ROBO2: variants seen among roughly 807,000 people sequenced by gnomAD.
The protein encoded by ROBO2 is roundabout guidance receptor 2.
In ROBO2, 53 loss-of-function variants were observed where a neutral mutation model predicts 160.8. The ratio of observed to expected loss-of-function variants is 0.33; its 90% CI spans 0.26 to 0.41. The LOEUF is 0.41. Ranked by LOEUF, ROBO2 falls within the 10% of genes least tolerant of loss-of-function variation. The pLI is 1.00. For missense variants in ROBO2, 1,577 were observed against 1,722.4 expected (o/e 0.92, Z 1.49); for synonymous variants, 664 against 611.7 (o/e 1.09, Z -1.26).
chr3:76,608,302 C>T (rs932918839), intron 2 of ROBO2, among the ~76,000 whole-genome samples: 14 of 152,116 alleles, frequency 9.2e-5, no homozygotes, highest in African/African-American at 2.9e-4. Flanking sequence ...CCTTACTATA[C>T]CTTCAGTGGG....
chr3:76,177,229 A>AT (rs2073263812), intron 2 of ROBO2, among the ~76,000 whole-genome samples: 1 of 152,114 alleles, frequency 6.6e-6, no homozygotes, highest in Non-Finnish European at 1.5e-5. Context: ...AAGGAGAAAC[A>AT]TTTTTTGGAA....
At chr3:76,588,144 T>C (rs997085282) in intron 2 of ROBO2, among the ~76,000 whole-genome samples, 4 of 152,196 alleles carry the variant, frequency 2.6e-5, no homozygotes, top group African/African-American at 9.6e-5. Context: ...CCAGATTACA[T>C]TGTCTTTCTC....
chr3:75,941,143 G>T (rs199996994), intron 2 of ROBO2, among the ~76,000 whole-genome samples: 1 of 151,808 alleles, frequency 6.6e-6, no homozygotes, highest in Non-Finnish European at 1.5e-5. Flanking sequence ...ATTTGTAAAG[G>T]CTGGGTCTTG....
intron 2 of ROBO2, among the ~76,000 whole-genome samples, chr3:77,261,796 G>T (rs2058793437): frequency 6.7e-6 from 1 of 148,436 alleles, no homozygotes. Context: ...GTAAGACAGG[G>T]TCTTGCTGTC....
chr3:76,988,798 T>C (rs755913211), intron 2 of ROBO2, among the ~76,000 whole-genome samples: 10 of 152,202 alleles, frequency 6.6e-5, no homozygotes, highest in Non-Finnish European at 1.3e-4. Context: ...CTTCGAGACA[T>C]TAAGATCAAG....
chr3:77,400,802 A>G (rs1419291673), intron 2 of ROBO2, among the ~76,000 whole-genome samples: 1 of 152,168 alleles, frequency 6.6e-6, no homozygotes, highest in Non-Finnish European at 1.5e-5. Flanking sequence ...GAGACGAGGA[A>G]AACTGAGATA....
intron 2 of ROBO2, among the ~76,000 whole-genome samples, chr3:76,747,468 G>C (rs1175752293): frequency 6.6e-6 from 1 of 151,772 alleles, no homozygotes; most frequent in Non-Finnish European, 1.5e-5. Flanking sequence ...AAAAATATTT[G>C]ACCAAAGAAA....
At chr3:76,901,055 T>G (rs2075186764) in intron 2 of ROBO2, among the ~76,000 whole-genome samples, 1 of 152,128 alleles carries the variant, frequency 6.6e-6, no homozygotes, top group Admixed American at 6.6e-5. Flanking sequence ...ACCTCTCACT[T>G]AATGAGACCC....
chr3:76,689,638 A>G (rs1326601467), intron 2 of ROBO2, among the ~76,000 whole-genome samples: 4 of 152,208 alleles, frequency 2.6e-5, no homozygotes, highest in Non-Finnish European at 4.4e-5. Flanking sequence ...AGAAACCTTA[A>G]TAAACAATGA....
chr3:76,217,310 A>G (rs1304824405), intron 2 of ROBO2, among the ~76,000 whole-genome samples: 1 of 152,130 alleles, frequency 6.6e-6, no homozygotes, highest in Non-Finnish European at 1.5e-5. Context: ...AAATAACTAA[A>G]ATCAGAGCAG....
chr3:77,407,268 G>A (rs1266239923), intron 2 of ROBO2, among the ~76,000 whole-genome samples: 1 of 152,118 alleles, frequency 6.6e-6, no homozygotes, highest in African/African-American at 2.4e-5. Context: ...AAAGTCATGA[G>A]TGGGTTGGCC....
At chr3:77,575,577 G>A (rs929750063) in intron 14 of ROBO2, among the ~76,000 whole-genome samples, 2 of 152,016 alleles carry the variant, frequency 1.3e-5, no homozygotes, top group Non-Finnish European at 2.9e-5. Context: ...TGGCAAAAAT[G>A]TCATCTTCCC....
At chr3:77,437,241 T>G (rs1415965726) in intron 2 of ROBO2, among the ~76,000 whole-genome samples, 3 of 151,980 alleles carry the variant, frequency 2.0e-5, no homozygotes, top group Non-Finnish European at 1.5e-5. Flanking sequence ...TTTGAGAAAT[T>G]TTTAATTTTC....
rs2071664717 is a variant in ROBO2, at chr3:77,370,927, G to A, written c.389-106487G>A. On this transcript the variant is annotated intron_variant, in intron 2 of 25. Coordinates refer to ENST00000461745, the Ensembl canonical transcript of ROBO2. ...TCTGCCCTAGATAGTCCAGGGAAAT[G>A]AGCTGAAAGTTTCCATAAAAGCTCT... 2.0e-5 allele frequency among the ~76,000 whole-genome samples: 3 copies of A among 152,136 alleles called. No individual in the cohort carries two copies. The South Asian group carries it at 6.2e-4, about 32-fold the overall frequency.
At chr3:76,730,100 C>T (rs867038734) in intron 2 of ROBO2, among the ~76,000 whole-genome samples, 77 of 152,214 alleles carry the variant, frequency 5.1e-4, no homozygotes, top group Non-Finnish European at 3.1e-4. Context: ...ATCATTCCCA[C>T]GTCAGCATCC....
At chr3:76,610,534 C>T (rs1309198088) in intron 2 of ROBO2, among the ~76,000 whole-genome samples, 2 of 152,182 alleles carry the variant, frequency 1.3e-5, no homozygotes, top group African/African-American at 4.8e-5. Context: ...AACTCTTGCT[C>T]GGAAAGTCCC....
At chr3:76,757,570 A>T (rs2597248) in intron 2 of ROBO2, among the ~76,000 whole-genome samples, 26,356 of 150,808 alleles carry the variant, frequency 0.17, 2,553 homozygotes, top group Non-Finnish European at 0.22. Flanking sequence ...TTTTGATCTT[A>T]CAACTGCAGC....
At chr3:76,033,224 C>G (rs1380026153) in intron 2 of ROBO2, among the ~76,000 whole-genome samples, 1 of 151,934 alleles carries the variant, frequency 6.6e-6, no homozygotes, top group African/African-American at 2.4e-5. Context: ...TTAGAGCTTT[C>G]TATGTATTTT....
At chr3:77,463,478 C>G (rs2082448625) in intron 2 of ROBO2, among the ~76,000 whole-genome samples, 1 of 151,916 alleles carries the variant, frequency 6.6e-6, no homozygotes, top group Admixed American at 6.6e-5. Context: ...GCGATGATCG[C>G]TTTTAGCAAT....
Sources: gnomAD v4.1 joint callset for allele counts (sites outside exome capture counted in the v4.1 genomes callset) on GRCh38, gnomAD v4.1.1 for gene constraint, MANE v1.5 for transcripts, NCBI Gene and HGNC (gene_info 2026-07-23, HGNC 2026-07-21) for gene names.